TTYH3: variants seen among roughly 807,000 people sequenced by gnomAD.
The protein encoded by TTYH3 is protein tweety homolog 3.
A neutral mutation model predicts 68.2 loss-of-function variants in TTYH3; 23 were observed. The observed-to-expected ratio is 0.34, with a 90% confidence interval of 0.24 to 0.48. TTYH3 has a LOEUF of 0.48. Among genes scored for constraint, TTYH3 ranks in the 20% least tolerant of loss-of-function variants. The pLI is 0.99. For missense variants in TTYH3, 768 were observed against 727.7 expected, an observed-to-expected ratio of 1.06 and a Z score of -0.64; for synonymous variants, 360 against 332.8, an observed-to-expected ratio of 1.08 and a Z score of -0.89.
intron 1 of TTYH3, among the ~76,000 whole-genome samples, chr7:2,638,022 C>T (rs937250576): frequency 3.3e-5 from 5 of 152,232 alleles, no homozygotes; most frequent in Middle Eastern, 3.2e-3. Flanking sequence ...CCTGTGCACG[C>T]TGGCTGGGTT....
At chr7:2,647,082 G>T (rs1203591510) in intron 2 of TTYH3, 60 bp downstream of exon 2, 25 of 1,535,318 alleles carry the variant, frequency 1.6e-5, no homozygotes, top group South Asian at 1.1e-4. Context: ...GAGGGGGCGG[G>T]GCTGGAGTGG....
rs190307112 is a variant in TTYH3 at position 2,646,778 on chromosome 7, T to C, written c.124-75T>C. 8.5e-4 allele frequency: 1,231 copies of C among 1,445,536 alleles called. 18 individuals carry two copies. The East Asian group carries it at 0.023, about 27-fold the overall frequency. The allele number at this position is 1,445,536 out of a possible 1,614,324, so 89.5% of individuals were successfully genotyped here. A position where few individuals can be genotyped will look rare whatever the true frequency, so the allele number is the denominator to read the frequency against. ...GGATTAAATGGGAGTCTGCGCCAGGTCCCCTGCTGGGGCGGGGCGTGGGAC... is the reference window on the plus strand; with the variant it reads ...GGATTAAATGGGAGTCTGCGCCAGGCCCCCTGCTGGGGCGGGGCGTGGGAC... On this transcript the variant is annotated intron_variant, in intron 1 of 13. Transcript: ENST00000258796.
At chr7:2,638,773 G>T (rs115881793) in intron 1 of TTYH3, among the ~76,000 whole-genome samples, 1,867 of 152,292 alleles carry the variant, frequency 0.012, 29 homozygotes, top group African/African-American at 0.044. Flanking sequence ...GTGTGCTATG[G>T]GTAGGGGCTG....
chr7:2,643,756 A>G (rs1180208398), intron 1 of TTYH3, among the ~76,000 whole-genome samples: 1 of 152,148 alleles, frequency 6.6e-6, no homozygotes, highest in East Asian at 1.9e-4. Flanking sequence ...CCTTTGATGT[A>G]CGCTGATGCC....
chr7:2,634,910 G>A (rs1034923334), intron 1 of TTYH3, among the ~76,000 whole-genome samples: 2 of 152,116 alleles, frequency 1.3e-5, no homozygotes, highest in Non-Finnish European at 2.9e-5. Flanking sequence ...CAGGCTCCCC[G>A]GATTCCCCCA....
At chr7:2,648,260 C>A (rs2114986972) in intron 5 of TTYH3, 3 of 563,742 alleles carry the variant, frequency 5.3e-6, no homozygotes, top group Non-Finnish European at 9.4e-6. Flanking sequence ...TCCCAGCACA[C>A]TTGCCCCCAG....
chr7:2,645,514 G>A lies in TTYH3; in HGVS notation c.124-1339G>A, dbSNP rs1356554694. On this transcript the variant is annotated intron_variant, in intron 1 of 13. Coordinates refer to ENST00000258796, the MANE Select transcript of TTYH3 (RefSeq NM_025250.3). The surrounding 1 kb of genome is among the most constrained non-coding windows in gnomAD (Gnocchi z 4.8). ...GGCCTCGGGACAGGGGAGCTCTGGT[G>A]TCTGTTCTGTGGTCTGTCTTTTGTG... is the stretch of plus-strand genomic sequence containing the variant. The A allele has an allele frequency of 4.3e-6, 1 of 231,324 alleles. No individual in the cohort carries two copies. The highest frequency in any genetic ancestry group is 1.1e-4 in the East Asian group (1 of 8,744). The allele number at this position is 231,324 out of a possible 1,614,324, so 14.3% of individuals were successfully genotyped here.
At chr7:2,654,877 T>G (rs1786290652) in intron 9 of TTYH3, among the ~76,000 whole-genome samples, 1 of 151,760 alleles carries the variant, frequency 6.6e-6, no homozygotes, top group Non-Finnish European at 1.5e-5. Context: ...CTCTGCCTTC[T>G]GGGTTCCAGC....
At chr7:2,639,475 G>A (rs568809744) in intron 1 of TTYH3, among the ~76,000 whole-genome samples, 2 of 152,308 alleles carry the variant, frequency 1.3e-5, no homozygotes, top group East Asian at 3.9e-4. Flanking sequence ...CCGAGCTCAC[G>A]GGGCCAGCAC....
At chr7:2,646,711 C>A in intron 1 of TTYH3, 142 bp from the exon 2 acceptor site, 1 of 906,764 alleles carries the variant, frequency 1.1e-6, no homozygotes, top group Non-Finnish European at 1.6e-6. Flanking sequence ...CATGCCTCAC[C>A]TACAAGTCGG....
chr7:2,639,067 G>A (rs1350471191), intron 1 of TTYH3, among the ~76,000 whole-genome samples: 1 of 152,098 alleles, frequency 6.6e-6, no homozygotes, highest in Non-Finnish European at 1.5e-5. Flanking sequence ...CCCTCGGTCT[G>A]CACTGGGGTG....
At chr7:2,651,592 G>T (rs999334406) in intron 7 of TTYH3, among the ~76,000 whole-genome samples, 4 of 152,216 alleles carry the variant, frequency 2.6e-5, no homozygotes, top group African/African-American at 9.7e-5. Flanking sequence ...ATGTACACAC[G>T]TAAGTGTGAG....
chr7:2,643,552 G>A (rs1785908047), intron 1 of TTYH3, among the ~76,000 whole-genome samples: 1 of 152,192 alleles, frequency 6.6e-6, no homozygotes. Context: ...TCTCCCCACC[G>A]GGCATGGGCG....
At chr7:2,647,332 G>T (rs1394015370) in intron 3 of TTYH3, 79 bp downstream of exon 3, 3 of 1,511,070 alleles carry the variant, frequency 2.0e-6, no homozygotes, top group Non-Finnish European at 2.6e-6. Context: ...GGGCGGGGCA[G>T]CCGGGACTGG....
At chr7:2,646,780 C>T (rs1040914588) in intron 1 of TTYH3, 73 bp from the exon 2 acceptor site, 60 of 1,472,806 alleles carry the variant, frequency 4.1e-5, no homozygotes, top group Non-Finnish European at 5.3e-5. Context: ...GCGCCAGGTC[C>T]CCTGCTGGGG....
chr7:2,659,006 G>A lies in TTYH3; in HGVS notation c.1491G>A (p.Pro497=), dbSNP rs576266124. The A allele has an allele frequency of 6.2e-6, 10 of 1,613,864 alleles. No individual in the cohort carries two copies. The Admixed American group carries it at 6.7e-5, about 11-fold the overall frequency. The stretch of plus-strand genomic sequence containing the variant: ...CCCCACTCATTGGGCGCGAGTCCCC[G>A]CCGCCCTCAGTAAGTCTTGGGGCAG... The part of the protein sequence containing the change: ...ENTPLIGRES[P]PPSYTSSMRA... The change falls in exon 13 of 14, where the codon CCG becomes CCA. Residue 497 remains proline, a synonymous_variant. Coordinates refer to ENST00000258796, the MANE Select transcript of TTYH3 (RefSeq NM_025250.3).
At position 2,645,782 on chromosome 7, in the gene TTYH3, A is replaced by G. The variant is rs556781538; in HGVS notation, c.124-1071A>G. Reference sequence around the variant, plus strand: ...ATGTTCACCCCTCAGAAACACTTTCATGGTCAGCAAGAGGGGGTTCAGTCC... The same window carrying G: ...ATGTTCACCCCTCAGAAACACTTTCGTGGTCAGCAAGAGGGGGTTCAGTCC... On this transcript the variant is annotated intron_variant, in intron 1 of 13. Transcript: ENST00000258796. This position sits in a 1 kb window ranked among gnomAD's most constrained non-coding sequence, Gnocchi z 4.8. The G allele has an allele frequency of 5.1e-5, 24 of 470,912 alleles. No homozygotes were observed. Among genetic ancestry groups the G allele is most frequent in the South Asian group, 3.6e-4 (23 of 64,560 alleles). The allele number at this position is 470,912 out of a possible 1,614,324, so 29.2% of individuals were successfully genotyped here.
rs1397621343 is a variant in TTYH3 at position 2,645,943 on chromosome 7, G to A, written c.124-910G>A. ...GGCTCTGGGGTCCTGGGGCTGTCTC[G>A]GGCTGGGGGTGAGGACAGTAGCTGA... On this transcript the variant is annotated intron_variant, in intron 1 of 13. Transcript: ENST00000258796. This position sits in a 1 kb window ranked among gnomAD's most constrained non-coding sequence, Gnocchi z 4.8. The A allele has an allele frequency of 6.7e-6, 3 of 445,774 alleles. No individual in the cohort carries two copies. Among genetic ancestry groups the A allele is most frequent in the South Asian group, 3.2e-5 (2 of 62,286 alleles). The allele number at this position is 445,774 out of a possible 1,614,324, so 27.6% of individuals were successfully genotyped here.
In TTYH3 at chr7:2,646,841, G is replaced by C; in HGVS notation, c.124-12G>C. The C allele has an allele frequency of 1.3e-6, 2 of 1,591,322 alleles. No homozygotes were observed. The highest frequency in any genetic ancestry group is 1.7e-6 in the Non-Finnish European group (2 of 1,176,270). ...GTCCACCCCTCCAGCGCCGCTTCCT[G>C]CCTGCCCTCAGGCCCTGCTGCTCCT... is the stretch of plus-strand genomic sequence containing the variant. On this transcript the variant is annotated splice_polypyrimidine_tract_variant and intron_variant, in intron 1 of 13. Coordinates refer to ENST00000258796, the MANE Select transcript of TTYH3 (RefSeq NM_025250.3).
Sources: allele counts gnomAD v4.1 joint callset (sites outside exome capture counted in the v4.1 genomes callset), GRCh38; gene constraint gnomAD v4.1.1; non-coding constraint Gnocchi (gnomAD v3.1); transcripts MANE v1.5; gene names NCBI Gene and HGNC (gene_info 2026-07-23, HGNC 2026-07-21).